Variants in CSMD3 observed in about 807,000 individuals in gnomAD.
The protein encoded by CSMD3 is CUB and sushi domain-containing protein 3.
In CSMD3, 177 loss-of-function variants were observed where a neutral mutation model predicts 435.2. That is an observed-to-expected ratio of 0.41 (90% CI 0.36 to 0.46). The LOEUF is 0.46. Ranked by LOEUF, CSMD3 falls within the 20% of genes least tolerant of loss-of-function variation. The probability of loss-of-function intolerance (pLI) is 0.34; values close to 1 mark genes in which losing one functional copy is unlikely to be tolerated. For missense variants in CSMD3, 4,265 were observed against 4,504.6 expected (o/e 0.95, Z 1.52); for synonymous variants, 1,656 against 1,520.5 (o/e 1.09, Z -2.07).
At chr8:112,353,994 T>A (rs1826366326) in intron 38 of CSMD3, among the ~76,000 whole-genome samples, 1 of 152,132 alleles carries the variant, frequency 6.6e-6, no homozygotes, top group Non-Finnish European at 1.5e-5. Context: ...AAAAGTTAAT[T>A]CACCATGATC....
At chr8:113,275,363 A>C (rs2093561900) in intron 3 of CSMD3, among the ~76,000 whole-genome samples, 1 of 152,036 alleles carries the variant, frequency 6.6e-6, no homozygotes. Flanking sequence ...GAAAGATAGA[A>C]TTTACAATCT....
At chr8:112,924,698 C>A (rs979182316) in intron 9 of CSMD3, among the ~76,000 whole-genome samples, 1 of 151,874 alleles carries the variant, frequency 6.6e-6, no homozygotes, top group African/African-American at 2.4e-5. Flanking sequence ...AGCTTCTATA[C>A]TTATTTTTCC....
intron 4 of CSMD3, among the ~76,000 whole-genome samples, chr8:113,149,060 G>A (rs1220225367): frequency 6.6e-6 from 1 of 151,590 alleles, no homozygotes; most frequent in Non-Finnish European, 1.5e-5. Flanking sequence ...TGTATTTTAT[G>A]GAATCAAGAT....
intron 10 of CSMD3, among the ~76,000 whole-genome samples, chr8:112,899,795 G>T (rs981898126): frequency 1.4e-5 from 2 of 146,174 alleles, no homozygotes; most frequent in East Asian, 2.0e-4. Context: ...CACAATGTAC[G>T]AACAACCAGT....
chr8:112,416,170 A>G (rs10099418), intron 32 of CSMD3, among the ~76,000 whole-genome samples: 67,961 of 152,000 alleles, frequency 0.45, 15,802 homozygotes, highest in Middle Eastern at 0.6. Context: ...TGTACTGGGA[A>G]GGACCCAGTG....
At chr8:112,312,030 TA>T (rs1186380205) in intron 49 of CSMD3, among the ~76,000 whole-genome samples, 1 of 152,150 alleles carries the variant, frequency 6.6e-6, no homozygotes, top group Non-Finnish European at 1.5e-5. Context: ...TCATAAATAA[TA>T]AGAACAAGGA....
At chr8:112,759,180 T>C (rs967745093) in intron 13 of CSMD3, among the ~76,000 whole-genome samples, 1 of 152,220 alleles carries the variant, frequency 6.6e-6, no homozygotes, top group South Asian at 2.1e-4. Flanking sequence ...AAGTCCTCCT[T>C]GGTTCTGACT....
At chr8:112,430,892 GTA>G (rs965195179) in intron 32 of CSMD3, among the ~76,000 whole-genome samples, 3 of 97,360 alleles carry the variant, frequency 3.1e-5, no homozygotes, top group Non-Finnish European at 6.6e-5. Context: ...GTGTTTGTGT[GTA>G]TATGTGTGTG....
chr8:113,067,368 T>C (rs566414615), intron 5 of CSMD3, among the ~76,000 whole-genome samples: 4 of 152,248 alleles, frequency 2.6e-5, no homozygotes, highest in African/African-American at 9.6e-5. Flanking sequence ...CTATTCATAA[T>C]TATCAATCCT....
At chr8:113,157,775 T>A (rs187143060) in intron 4 of CSMD3, among the ~76,000 whole-genome samples, 308 of 152,178 alleles carry the variant, frequency 2.0e-3, no homozygotes, top group Non-Finnish European at 3.1e-3. Context: ...ATACATAACA[T>A]CCTTATGCTG....
At position 112,341,567 on chromosome 8, in the gene CSMD3, A is replaced by C. The variant is rs765610864; in HGVS notation, c.6562T>G (p.Ser2188Ala). Residue 2188 changes from serine (S) to alanine (A), a missense_variant, in exon 42 of 71, where the codon TCT becomes GCT. Ser to Ala is a moderately conservative substitution (Grantham distance 99, BLOSUM62 1). Coordinates refer to ENST00000297405, the MANE Select transcript of CSMD3 (RefSeq NM_198123.2). Reference sequence around the variant, plus strand: ...TCATGGGTGGTGCTGAATAAGGAAGATGGTATTTGAGGACCACTAAGCCGG... The same window carrying C: ...TCATGGGTGGTGCTGAATAAGGAAGCTGGTATTTGAGGACCACTAAGCCGG... ...IGRLSGPQIP[S>A]SLFSTTHETS... is the part of the protein sequence containing the mutation. 6.2e-7 allele frequency: 1 copy of C among 1,613,226 alleles called. No homozygotes were observed. The highest frequency in any genetic ancestry group is 1.1e-5 in the South Asian group (1 of 91,072).
intron 66 of CSMD3, among the ~76,000 whole-genome samples, chr8:112,239,679 G>A (rs1454184776): frequency 2.0e-5 from 3 of 151,954 alleles, no homozygotes; most frequent in African/African-American, 4.8e-5. Flanking sequence ...TGTCTGCTCT[G>A]TGTAAATGTT....
At chr8:113,126,629 G>A (rs1250812004) in intron 4 of CSMD3, among the ~76,000 whole-genome samples, 6 of 151,838 alleles carry the variant, frequency 4.0e-5, no homozygotes, top group Admixed American at 2.0e-4. Flanking sequence ...AAATAGTATC[G>A]TAGATTGGCC....
rs138492663 is a variant in CSMD3 at position 112,932,531 on chromosome 8, G to A, written c.1509-10780C>T. ...AAAGTGCTGGGATTGCAGGCTACTTGGGAGGCTGAGGCAGAAGAATGGCAT... is the reference window on the plus strand; with the variant it reads ...AAAGTGCTGGGATTGCAGGCTACTTAGGAGGCTGAGGCAGAAGAATGGCAT... On this transcript the variant is annotated intron_variant, in intron 9 of 70. Transcript: ENST00000297405. 5.9e-3 allele frequency among the ~76,000 whole-genome samples: 902 copies of A among 152,258 alleles called. 7 individuals are homozygous for A. The highest frequency in any genetic ancestry group is 0.02 in the African/African-American group (850 of 41,554).
chr8:112,743,099 C>CTTAAGTGAGTGTATTTGTGTGTG (rs2077347802), intron 13 of CSMD3, among the ~76,000 whole-genome samples: 3 of 151,904 alleles, frequency 2.0e-5, no homozygotes, highest in Non-Finnish European at 4.4e-5. Flanking sequence ...TGTGTGTACA[C>CTTAAGTGAGTGTATTTGTGTGTG]ACATGTGAGT....
chr8:112,378,465 C>A (rs1829165232), intron 38 of CSMD3, among the ~76,000 whole-genome samples: 1 of 152,072 alleles, frequency 6.6e-6, no homozygotes, highest in Admixed American at 6.6e-5. Context: ...GTATACATGA[C>A]AATGGAGTAC....
chr8:113,308,749 A>T (rs899667657), intron 2 of CSMD3, among the ~76,000 whole-genome samples: 1 of 152,124 alleles, frequency 6.6e-6, no homozygotes, highest in African/African-American at 2.4e-5. Flanking sequence ...TAGAAGTTAT[A>T]ATTATTGTTT....
chr8:112,963,061 A>T (rs1455628625), intron 7 of CSMD3, among the ~76,000 whole-genome samples: 2 of 152,116 alleles, frequency 1.3e-5, no homozygotes, highest in Non-Finnish European at 2.9e-5. Flanking sequence ...GGGGGATTCC[A>T]GCAGGCGGAT....
intron 1 of CSMD3, among the ~76,000 whole-genome samples, chr8:113,328,886 G>A (rs571341241): frequency 7.9e-5 from 12 of 151,074 alleles, no homozygotes; most frequent in Non-Finnish European, 1.5e-4. Context: ...GACTCCAGGC[G>A]TGCTCCACCA....
Sources: allele counts gnomAD v4.1 joint callset (sites outside exome capture counted in the v4.1 genomes callset), GRCh38; gene constraint gnomAD v4.1.1; transcripts MANE v1.5; gene names NCBI Gene and HGNC (gene_info 2026-07-23, HGNC 2026-07-21).